Variants in ZNF385D observed in about 807,000 individuals in gnomAD.
ZNF385D encodes zinc finger protein 659.
A neutral mutation model predicts 35.8 loss-of-function variants in ZNF385D; 15 were observed. The observed-to-expected ratio is 0.42, with a 90% confidence interval of 0.28 to 0.64. The LOEUF (loss-of-function observed/expected upper bound fraction) is 0.64, where lower values mean the gene tolerates loss of function less well. Ranked by LOEUF, ZNF385D falls within the 30% of genes least tolerant of loss-of-function variation. The pLI is 0.23. For missense variants in ZNF385D, 474 were observed against 494.6 expected, an observed-to-expected ratio of 0.96 and a Z score of 0.39; for synonymous variants, 212 against 186.8, an observed-to-expected ratio of 1.13 and a Z score of -1.10.
intron 2 of ZNF385D, among the ~76,000 whole-genome samples, chr3:22,304,403 A>T (rs1703090074): frequency 6.6e-6 from 1 of 152,118 alleles, no homozygotes; most frequent in Non-Finnish European, 1.5e-5. Flanking sequence ...TTGACATGCA[A>T]ATTTTATTTT....
At position 21,416,870 on chromosome 3, in the gene ZNF385D, T is replaced by C. The variant is rs450092; in HGVS notation, c.*4344A>G. On this transcript the variant is annotated 3_prime_UTR_variant, in exon 8 of 8. Coordinates refer to ENST00000281523, the MANE Select transcript of ZNF385D (RefSeq NM_024697.3). ...AGTGCAACAAAAGAAATAAGGATGA[T>C]GCATTTAAATTGTTGTTCCCTTCCA... 0.81 allele frequency: 123,410 copies of C among 151,986 alleles called. 50,552 individuals are homozygous for C. The highest frequency in any genetic ancestry group is 0.92 in the African/African-American group (38,288 of 41,506). 9.4% of individuals were successfully genotyped at this position (151,986 alleles called of 1,614,324 possible).
chr3:22,220,552 G>C (rs1698190586), intron 2 of ZNF385D, among the ~76,000 whole-genome samples: 1 of 152,110 alleles, frequency 6.6e-6, no homozygotes, highest in Non-Finnish European at 1.5e-5. Context: ...TCTAGATTCT[G>C]TTATTGTCAT....
chr3:21,472,229 A>C (rs1387211986), intron 4 of ZNF385D, among the ~76,000 whole-genome samples: 4 of 152,182 alleles, frequency 2.6e-5, no homozygotes, highest in Admixed American at 1.3e-4. Context: ...GAACCACGCT[A>C]GGCCCTTTAG....
At chr3:21,452,930 G>A (rs1262130426) in intron 4 of ZNF385D, among the ~76,000 whole-genome samples, 1 of 151,844 alleles carries the variant, frequency 6.6e-6, no homozygotes, top group Non-Finnish European at 1.5e-5. Context: ...AAAGTTAGAG[G>A]ATTCGAGAAT....
In ZNF385D at chr3:21,413,879, C is replaced by T. The variant is rs1469580508; in HGVS notation, c.*7335G>A. The T allele has an allele frequency of 2.0e-5, 3 of 152,012 alleles. No individual in the cohort carries two copies. Among genetic ancestry groups the T allele is most frequent in the Non-Finnish European group, 4.4e-5 (3 of 67,994 alleles). 9.4% of individuals were successfully genotyped at this position (152,012 alleles called of 1,614,324 possible). On this transcript the variant is annotated 3_prime_UTR_variant, in exon 8 of 8. Transcript: ENST00000281523. Reference sequence around the variant, plus strand: ...CTCAAAACTAAAGTTCAAATTGGCTCATGTTAGTAAATAGACATACTTATC... The same window carrying T: ...CTCAAAACTAAAGTTCAAATTGGCTTATGTTAGTAAATAGACATACTTATC...
chr3:22,132,276 G>A (rs534506235), intron 3 of ZNF385D, among the ~76,000 whole-genome samples: 53 of 152,178 alleles, frequency 3.5e-4, no homozygotes, highest in African/African-American at 1.3e-3. Context: ...TAACATATGA[G>A]AACACATGAA....
At chr3:22,134,664 A>C (rs967045452) in intron 3 of ZNF385D, among the ~76,000 whole-genome samples, 1 of 152,168 alleles carries the variant, frequency 6.6e-6, no homozygotes, top group African/African-American at 2.4e-5. Flanking sequence ...AGAATCCCTA[A>C]GACTGTATAA....
At chr3:22,288,023 A>C (rs946927007) in intron 2 of ZNF385D, among the ~76,000 whole-genome samples, 29 of 152,170 alleles carry the variant, frequency 1.9e-4, no homozygotes, top group African/African-American at 7.0e-4. Flanking sequence ...ATTGCCTGGC[A>C]TATTAATCTT....
At chr3:21,862,811 C>T (rs1697130767) in intron 3 of ZNF385D, among the ~76,000 whole-genome samples, 1 of 152,144 alleles carries the variant, frequency 6.6e-6, no homozygotes, top group Admixed American at 6.5e-5. Flanking sequence ...GTTTTGCCAA[C>T]AGCTCTTTGA....
chr3:22,063,006 T>G (rs78402294), intron 3 of ZNF385D, among the ~76,000 whole-genome samples: 15,790 of 152,242 alleles, frequency 0.1, 906 homozygotes, highest in Admixed American at 0.15. Flanking sequence ...CTCAGCCTCA[T>G]GACTCACAGA....
intron 3 of ZNF385D, among the ~76,000 whole-genome samples, chr3:21,988,676 T>G (rs1323907086): frequency 2.0e-5 from 3 of 151,574 alleles, no homozygotes; most frequent in African/African-American, 4.8e-5. Context: ...GCAGGCCTCC[T>G]TGAGCTGTGG....
At chr3:21,644,781 T>C (rs1333502649) in intron 2 of ZNF385D, among the ~76,000 whole-genome samples, 1 of 152,190 alleles carries the variant, frequency 6.6e-6, no homozygotes, top group African/African-American at 2.4e-5. Flanking sequence ...TTAAAATTTA[T>C]ACTACATCAC....
At chr3:22,000,129 C>T (rs1695743505) in intron 3 of ZNF385D, among the ~76,000 whole-genome samples, 1 of 152,080 alleles carries the variant, frequency 6.6e-6, no homozygotes, top group African/African-American at 2.4e-5. Flanking sequence ...CACAGTGAAA[C>T]CCCGTCTCTA....
chr3:22,216,690 T>C (rs762709343), intron 2 of ZNF385D, among the ~76,000 whole-genome samples: 38 of 152,280 alleles, frequency 2.5e-4, no homozygotes, highest in Middle Eastern at 6.8e-3. Context: ...TAGTAAAGTC[T>C]GCTTGCAGCT....
At chr3:22,199,214 C>T (rs983301884) in intron 2 of ZNF385D, among the ~76,000 whole-genome samples, 6 of 152,100 alleles carry the variant, frequency 3.9e-5, no homozygotes, top group Non-Finnish European at 8.8e-5. Context: ...CTCCACCCTG[C>T]TTTTCCATCC....
chr3:21,649,079 G>A (rs1428785002), intron 2 of ZNF385D, among the ~76,000 whole-genome samples: 1 of 152,088 alleles, frequency 6.6e-6, no homozygotes, highest in African/African-American at 2.4e-5. Context: ...TCAATATGTG[G>A]TCTGTGGACA....
intron 2 of ZNF385D, among the ~76,000 whole-genome samples, chr3:21,624,564 T>A (rs545440106): frequency 6.6e-6 from 1 of 152,010 alleles, no homozygotes. Context: ...CTGGCAAGAA[T>A]TGGATTGGTG....
At chr3:21,679,732 G>C (rs2066841419) in intron 1 of ZNF385D, among the ~76,000 whole-genome samples, 1 of 152,040 alleles carries the variant, frequency 6.6e-6, no homozygotes, top group Non-Finnish European at 1.5e-5. Flanking sequence ...AGGGAGACTA[G>C]CAGGGAGGGA....
In ZNF385D at chr3:21,934,525, C is replaced by A. The variant is rs116658098; in HGVS notation, c.325+234292G>T. On this transcript the variant is annotated intron_variant, in intron 3 of 5. Transcript: ENST00000494108. ...CTGTGTAAAGATCTTGGCTTTTTAC[C>A]AGATGACCTCTTCTAGCAATCACAT... Among the ~76,000 whole-genome samples the A allele has an allele frequency of 9.2e-3, 1,397 of 152,150 alleles. 24 individuals carry two copies. Among genetic ancestry groups the A allele is most frequent in the African/African-American group, 0.032 (1,349 of 41,514 alleles).
Sources: allele counts gnomAD v4.1 joint callset (sites outside exome capture counted in the v4.1 genomes callset), GRCh38; gene constraint gnomAD v4.1.1; transcripts MANE v1.5; gene names NCBI Gene and HGNC (gene_info 2026-07-23, HGNC 2026-07-21).